CD96: variants seen among roughly 807,000 people sequenced by gnomAD.
CD96 encodes T-cell surface protein tactile.
CD96 carries 70 observed loss-of-function variants against 71.3 expected under a neutral mutation model. That is an observed-to-expected ratio of 0.98 (90% confidence interval 0.81 to 1.20). CD96 has a LOEUF of 1.20. CD96 is among the 50% of genes most tolerant of loss of function. CD96 has a pLI of 0.00. For synonymous variants in CD96, 248 were observed against 233.0 expected (o/e 1.06, Z -0.59); for missense variants, 742 against 677.5 (o/e 1.10, Z -1.06).
At chr3:111,591,516 C>T (rs964162940) in intron 5 of CD96, among the ~76,000 whole-genome samples, 2 of 152,086 alleles carry the variant, frequency 1.3e-5, no homozygotes, top group African/African-American at 2.4e-5. Flanking sequence ...CTGTGGTTTC[C>T]TCAAGCTTCC....
At chr3:111,630,730 C>T (rs1482912868) in intron 10 of CD96, among the ~76,000 whole-genome samples, 1 of 152,152 alleles carries the variant, frequency 6.6e-6, no homozygotes, top group Non-Finnish European at 1.5e-5. Flanking sequence ...GACCAATATC[C>T]TTGATGAACA....
chr3:111,567,510 TG>T lies in CD96; in HGVS notation c.419-12del. On this transcript the variant is annotated splice_polypyrimidine_tract_variant and intron_variant, in intron 2 of 13. Transcript: ENST00000352690. ...AGAGATTCACATATTTTCTACCTTA[TG>T]TTTTGTTACAGTTACAGCAGATGAA... is the stretch of plus-strand genomic sequence containing the variant. 1 of 1,604,246 alleles carries T rather than the reference TG, an allele frequency of 6.2e-7. No individual in the cohort carries two copies. Among genetic ancestry groups the T allele is most frequent in the Non-Finnish European group, 8.5e-7 (1 of 1,171,340 alleles).
chr3:111,660,892 G>C (rs969276190), intron 14 of CD96, among the ~76,000 whole-genome samples: 1 of 152,166 alleles, frequency 6.6e-6, no homozygotes, highest in African/African-American at 2.4e-5. Context: ...ATATTTAAAT[G>C]TACCTTAAAC....
At chr3:111,649,610 C>T (rs1292947462) in intron 13 of CD96, 88 bp from the exon 14 acceptor site, 8 of 866,502 alleles carry the variant, frequency 9.2e-6, no homozygotes, top group Non-Finnish European at 1.2e-5. Flanking sequence ...TCTGTGTTCT[C>T]CTTTAAAGAA....
At chr3:111,657,392 G>A (rs1940256104) in intron 14 of CD96, among the ~76,000 whole-genome samples, 1 of 151,052 alleles carries the variant, frequency 6.6e-6, no homozygotes, top group South Asian at 2.1e-4. Flanking sequence ...TCCAGACTGG[G>A]CAACAGAGTA....
intron 3 of CD96, chr3:111,570,538 T>C (rs1014487819): frequency 2.5e-6 from 3 of 1,184,386 alleles, no homozygotes; most frequent in African/African-American, 3.1e-5. Context: ...GTGTGTTAAC[T>C]GACAGTGGCC....
intron 8 of CD96, chr3:111,612,750 T>C (rs1333072051): frequency 7.5e-6 from 2 of 266,256 alleles, no homozygotes; most frequent in Non-Finnish European, 1.2e-5. Flanking sequence ...TCCCTTCTAG[T>C]GTGAAGCTGT....
chr3:111,660,816 A>C (rs900540819), intron 14 of CD96, among the ~76,000 whole-genome samples: 1 of 152,252 alleles, frequency 6.6e-6, no homozygotes, highest in East Asian at 1.9e-4. Flanking sequence ...GGCTAGCCAT[A>C]TGCAGAAGAC....
intron 3 of CD96, among the ~76,000 whole-genome samples, chr3:111,576,810 C>T (rs563940520): frequency 6.6e-4 from 101 of 152,200 alleles, no homozygotes; most frequent in African/African-American, 2.4e-3. Flanking sequence ...TATTATTTCT[C>T]CCTCTCCCAG....
rs983886755 is a variant in CD96, at chr3:111,624,459, C to T, written c.1321+55C>T. The stretch of plus-strand genomic sequence containing the variant: ...CTCTGGACTTCAGTCATTCATCCGA[C>T]AGATATATTGAACGACATCTATGTG... On this transcript the variant is annotated intron_variant, in intron 10 of 13. Transcript: ENST00000352690. 5 of 962,640 alleles carry T rather than the reference C, an allele frequency of 5.2e-6. No homozygotes were observed. In the African/African-American group the frequency reaches 6.4e-5, roughly 12 times the overall value. 59.6% of individuals were successfully genotyped at this position (962,640 alleles called of 1,614,324 possible). A position where few individuals can be genotyped will look rare whatever the true frequency, so the allele number is the denominator to read the frequency against.
chr3:111,663,179 T>C (rs1432292246), intron 14 of CD96, among the ~76,000 whole-genome samples: 1 of 152,186 alleles, frequency 6.6e-6, no homozygotes, highest in African/African-American at 2.4e-5. Context: ...TAGTACTTTT[T>C]TGCTACACAC....
chr3:111,573,887 A>C (rs1189990548), intron 3 of CD96, among the ~76,000 whole-genome samples: 3 of 152,198 alleles, frequency 2.0e-5, no homozygotes, highest in Admixed American at 6.5e-5. Context: ...AGCTGATTCT[A>C]ATTGTCTTTA....
intron 12 of CD96, among the ~76,000 whole-genome samples, chr3:111,641,834 C>G (rs1004190045): frequency 3.3e-5 from 5 of 152,202 alleles, no homozygotes; most frequent in Admixed American, 6.5e-5. Flanking sequence ...TGGAAATCAA[C>G]TCCAGAAGGA....
intron 7 of CD96, among the ~76,000 whole-genome samples, chr3:111,605,115 A>G (rs753418679): frequency 3.9e-5 from 6 of 152,212 alleles, no homozygotes; most frequent in Non-Finnish European, 8.8e-5. Context: ...TTAAGAATAA[A>G]TTTGCATGCA....
intron 13 of CD96, 43 bp downstream of exon 13, chr3:111,647,709 A>T (rs149456289): frequency 8.6e-6 from 12 of 1,398,112 alleles, no homozygotes; most frequent in Non-Finnish European, 1.2e-5. Context: ...TTAATTTTTC[A>T]TTATAAAATA....
At position 111,606,735 on chromosome 3, in the gene CD96, G is replaced by A. The variant is rs1937638585; in HGVS notation, c.1123G>A (p.Val375Ile). Reference protein sequence around the residue: ...EISSTDPPLSVTESTLDTQPS... With the variant: ...EISSTDPPLSITESTLDTQPS... ...TTCCTCAACAGACCCTCCACTGAGT[G>A]TTACAGAATCTACCCTTGACACCCA... is the stretch of plus-strand genomic sequence containing the variant. Residue 375 changes from valine (V) to isoleucine (I), a missense_variant, in exon 8 of 14, where the codon GTT (valine) becomes ATT (isoleucine). By Grantham distance (29) the Val-to-Ile change is conservative (BLOSUM62 3). Transcript: ENST00000352690. 1 of 1,606,674 alleles carries A rather than the reference G, an allele frequency of 6.2e-7. No individual in the cohort carries two copies.
intron 7 of CD96, among the ~76,000 whole-genome samples, chr3:111,601,321 T>C (rs1229270325): frequency 6.6e-6 from 1 of 152,218 alleles, no homozygotes; most frequent in Non-Finnish European, 1.5e-5. Context: ...ACAACATATA[T>C]ACTTTTAATA....
At position 111,600,936 on chromosome 3, in the gene CD96, A is replaced by C. The variant is rs761434549; in HGVS notation, c.1087+22A>C. On this transcript the variant is annotated intron_variant, in intron 7 of 13. Transcript: ENST00000352690. Reference sequence around the variant, plus strand: ...TTAGGTGAGTTGTCTATTTAATAAGATCAACAAGAGTTTGCTAAGACTGCC... The same window carrying C: ...TTAGGTGAGTTGTCTATTTAATAAGCTCAACAAGAGTTTGCTAAGACTGCC... 1.8e-5 allele frequency: 27 copies of C among 1,474,434 alleles called. No homozygotes were observed. The Admixed American group carries it at 4.5e-4, about 25-fold the overall frequency. 91.3% of individuals were successfully genotyped at this position (1,474,434 alleles called of 1,614,324 possible).
chr3:111,603,307 G>A (rs900205960), intron 7 of CD96, among the ~76,000 whole-genome samples: 1 of 152,072 alleles, frequency 6.6e-6, no homozygotes, highest in South Asian at 2.1e-4. Flanking sequence ...AGCCGGGCAT[G>A]GTGGCGCACA....
Sources: gnomAD v4.1 joint callset for allele counts (sites outside exome capture counted in the v4.1 genomes callset) on GRCh38, gnomAD v4.1.1 for gene constraint, MANE v1.5 for transcripts, NCBI Gene and HGNC (gene_info 2026-07-23, HGNC 2026-07-21) for gene names.